Variants in ELF2 observed in about 807,000 individuals in gnomAD.
The protein encoded by ELF2 is E74 like ETS transcription factor 2, also known as ETS-related transcription factor Elf-2.
Under a neutral mutation model 54.8 loss-of-function variants are expected in ELF2, and 11 were observed. The observed-to-expected ratio is 0.20, with a 90% CI of 0.13 to 0.33. The LOEUF is 0.33. Ranked by LOEUF, ELF2 falls within the 10% of genes least tolerant of loss-of-function variation. ELF2 has a pLI of 1.00. For missense variants in ELF2, 513 were observed against 703.0 expected (o/e 0.73, Z 3.06); for synonymous variants, 203 against 245.1 (o/e 0.83, Z 1.61).
intron 4 of ELF2, among the ~76,000 whole-genome samples, chr4:139,111,619 C>T (rs533444121): frequency 1.6e-4 from 24 of 151,512 alleles, no homozygotes; most frequent in Non-Finnish European, 3.5e-4. Flanking sequence ...GGCATTCAAT[C>T]AGGACTCGCT....
Position 139,058,929 on chromosome 4 carries a change from T to C in ELF2, c.*54A>G. 6.6e-7 allele frequency: 1 copy of C among 1,518,960 alleles called. No individual in the cohort carries two copies. The allele number at this position is 1,518,960 out of a possible 1,614,324, so 94.1% of individuals were successfully genotyped here. A position where few individuals can be genotyped will look rare whatever the true frequency, so the allele number is the denominator to read the frequency against. On this transcript the variant is annotated 3_prime_UTR_variant, in exon 10 of 10. Coordinates refer to ENST00000686138, the MANE Select transcript of ELF2 (RefSeq NM_001331036.3). Reference sequence around the variant, plus strand: ...TTTTCTTGATGACTTCCCTTGCAAATGTTTATGTCAGTACTGCCACTAACA... The same window carrying C: ...TTTTCTTGATGACTTCCCTTGCAAACGTTTATGTCAGTACTGCCACTAACA...
chr4:139,161,528 G>T (rs1741136862), intron 1 of ELF2, among the ~76,000 whole-genome samples: 1 of 151,906 alleles, frequency 6.6e-6, no homozygotes. Flanking sequence ...TAACTTTAAG[G>T]TTCTTTTTTA....
rs1027921053 is a variant in ELF2, at chr4:139,156,429, T to A, written c.-251-16932A>T. On this transcript the variant is annotated intron_variant, in intron 1 of 9. Coordinates refer to ENST00000686138, the MANE Select transcript of ELF2 (RefSeq NM_001331036.3). Reference sequence around the variant, plus strand: ...CTCCTGACCTCGTGATCCACCCACCTTGGCCTCCCAAAGTGCTGGGATTAC... The same window carrying A: ...CTCCTGACCTCGTGATCCACCCACCATGGCCTCCCAAAGTGCTGGGATTAC... 2.0e-5 allele frequency among the ~76,000 whole-genome samples: 3 copies of A among 152,172 alleles called. No individual in the cohort carries two copies. In the South Asian group the frequency reaches 6.2e-4, roughly 32 times the overall value.
chr4:139,140,689 G>A (rs1560858746), intron 1 of ELF2, among the ~76,000 whole-genome samples: 1 of 151,918 alleles, frequency 6.6e-6, no homozygotes, highest in Non-Finnish European at 1.5e-5. Context: ...AGGAGGTTGA[G>A]GCCACAGTGA....
intron 1 of ELF2, among the ~76,000 whole-genome samples, chr4:139,165,370 A>C (rs1741616012): frequency 6.6e-6 from 1 of 152,214 alleles, no homozygotes; most frequent in Non-Finnish European, 1.5e-5. Flanking sequence ...CAAGTTCTAA[A>C]TTAAGTCTTT....
At chr4:139,147,058 A>G (rs1446029829) in intron 1 of ELF2, among the ~76,000 whole-genome samples, 4 of 152,244 alleles carry the variant, frequency 2.6e-5, no homozygotes, top group Non-Finnish European at 5.9e-5. Flanking sequence ...GCTTCTGTAC[A>G]GCAAAAAATA....
At chr4:139,141,004 T>C (rs1001346709) in intron 1 of ELF2, among the ~76,000 whole-genome samples, 4 of 152,182 alleles carry the variant, frequency 2.6e-5, no homozygotes, top group Non-Finnish European at 4.4e-5. Context: ...TTCATAGGAC[T>C]TGCTGCCTCT....
intron 4 of ELF2, among the ~76,000 whole-genome samples, chr4:139,081,121 C>T (rs550063563): frequency 5.8e-4 from 89 of 152,164 alleles, no homozygotes; most frequent in African/African-American, 2.0e-3. Flanking sequence ...AGATATAGAT[C>T]CTCAACTCTT....
At chr4:139,114,561 T>TCCAGTCACACACACACACACACACACACA (rs70940492) in intron 4 of ELF2, among the ~76,000 whole-genome samples, 16 of 108,642 alleles carry the variant, frequency 1.5e-4, no homozygotes, top group African/African-American at 4.3e-4. Context: ...GACTTCAGTC[T>TCCAGTCACACACACACACACACACACACA]CACACACACA....
intron 1 of ELF2, among the ~76,000 whole-genome samples, chr4:139,161,847 C>T (rs1741195083): frequency 6.6e-6 from 1 of 152,004 alleles, no homozygotes; most frequent in Non-Finnish European, 1.5e-5. Flanking sequence ...GTAATCCCAG[C>T]ACTTTGGGAG....
intron 4 of ELF2, among the ~76,000 whole-genome samples, chr4:139,114,545 G>A (rs1483409919): frequency 5.8e-5 from 4 of 68,620 alleles, no homozygotes; most frequent in African/African-American, 1.9e-4. Flanking sequence ...CCTGGCAACA[G>A]AGCGAGACTT....
intron 4 of ELF2, among the ~76,000 whole-genome samples, chr4:139,076,270 T>C (rs546346553): frequency 6.6e-6 from 1 of 152,318 alleles, no homozygotes; most frequent in Admixed American, 6.5e-5. Flanking sequence ...TAAGTAAATC[T>C]ATCTTTAGGT....
At chr4:139,136,071 CA>C (rs1300117527) in intron 3 of ELF2, among the ~76,000 whole-genome samples, 1 of 152,052 alleles carries the variant, frequency 6.6e-6, no homozygotes, top group Non-Finnish European at 1.5e-5. Flanking sequence ...AACTATATGG[CA>C]GGAGAAAGCA....
intron 7 of ELF2, among the ~76,000 whole-genome samples, chr4:139,065,841 A>G (rs1226045917): frequency 6.6e-6 from 1 of 152,180 alleles, no homozygotes; most frequent in Admixed American, 6.5e-5. Context: ...TTACAGTTTA[A>G]TTTTCTAATA....
intron 3 of ELF2, among the ~76,000 whole-genome samples, chr4:139,128,276 T>TA (rs35220976): frequency 4.7e-5 from 7 of 149,802 alleles, no homozygotes; most frequent in Non-Finnish European, 7.4e-5. Flanking sequence ...TCTCAAAAAT[T>TA]AAAAAAAAAA....
chr4:139,092,743 G>C (rs529063143), intron 4 of ELF2, among the ~76,000 whole-genome samples: 15 of 151,910 alleles, frequency 9.9e-5, no homozygotes, highest in Non-Finnish European at 4.4e-5. Context: ...GGAGCTTGCA[G>C]TGAGCCCAGA....
At chr4:139,145,985 T>C (rs1739185935) in intron 1 of ELF2, among the ~76,000 whole-genome samples, 1 of 152,244 alleles carries the variant, frequency 6.6e-6, no homozygotes, top group Non-Finnish European at 1.5e-5. Context: ...ATGCTCACTT[T>C]AATCACTTCT....
At chr4:139,097,352 C>T (rs760652848) in intron 4 of ELF2, among the ~76,000 whole-genome samples, 5 of 152,080 alleles carry the variant, frequency 3.3e-5, no homozygotes, top group Admixed American at 6.6e-5. Flanking sequence ...GCAATATTTT[C>T]GGCCAGACGC....
At chr4:139,067,651 A>G (rs758528455) in intron 7 of ELF2, 33 bp downstream of exon 7, 34 of 1,604,878 alleles carry the variant, frequency 2.1e-5, no homozygotes, top group African/African-American at 4.0e-5. Context: ...AAAAAAAATC[A>G]TCTCACTTCC....
Sources: gnomAD v4.1 joint callset for allele counts (sites outside exome capture counted in the v4.1 genomes callset) on GRCh38, gnomAD v4.1.1 for gene constraint, MANE v1.5 for transcripts, NCBI Gene and HGNC (gene_info 2026-07-23, HGNC 2026-07-21) for gene names.